Variants in RBMX observed in about 807,000 individuals in gnomAD.
The protein encoded by RBMX is RNA binding motif protein X-linked, also known as RNA-binding motif protein, X chromosome.
In RBMX, 1 loss-of-function variant was observed where a neutral mutation model predicts 29.3. The observed-to-expected ratio is 0.03, with a 90% confidence interval of 0.01 to 0.16. The LOEUF (loss-of-function observed/expected upper bound fraction) is 0.16, where lower values mean the gene tolerates loss of function less well. Ranked by LOEUF, RBMX falls within the 10% of genes least tolerant of loss-of-function variation. RBMX has a pLI of 1.00. For synonymous variants in RBMX, 102 were observed against 102.3 expected, an observed-to-expected ratio of 1.00 and a Z score of 0.02; for missense variants, 121 against 333.2, an observed-to-expected ratio of 0.36 and a Z score of 4.96.
chrX:136,870,037 A>G (rs1306068971), downstream of RBMX: 3 of 112,494 alleles, frequency 2.7e-5, no homozygotes, highest in Admixed American at 9.5e-5. Flanking sequence ...CAGACACTTC[A>G]CTAGATACAG....
rs2077775799 is a variant in RBMX, at chrX:136,879,535, A to AT, written c.-26-83dup. 7 of 802,886 alleles carry AT rather than the reference A, an allele frequency of 8.7e-6. No homozygotes were observed. The Admixed American group carries it at 2.3e-4, about 26-fold the overall frequency. 66.2% of individuals were successfully genotyped at this position (802,886 alleles called of 1,213,427 possible). A position where few individuals can be genotyped will look rare whatever the true frequency, so the allele number is the denominator to read the frequency against. Reference sequence around the variant, plus strand: ...ACTTTTACTTTCGCACATTTCTCATATTTTCCACTAAAACCATTGTTCCTT... The same window carrying AT: ...ACTTTTACTTTCGCACATTTCTCATATTTTTCCACTAAAACCATTGTTCCTT... On this transcript the variant is annotated intron_variant, in intron 1 of 8. Coordinates refer to ENST00000320676, the MANE Select transcript of RBMX (RefSeq NM_002139.4).
chrX:136,875,203 T>C lies in RBMX; in HGVS notation c.783-35A>G, dbSNP rs779313474. 3.3e-6 allele frequency: 4 copies of C among 1,211,078 alleles called. No homozygotes were observed. In the East Asian group the frequency reaches 1.2e-4, roughly 36 times the overall value. On this transcript the variant is annotated intron_variant, in intron 7 of 8. Coordinates refer to ENST00000320676, the MANE Select transcript of RBMX (RefSeq NM_002139.4). ...AGAGAAACCTTTAAGTCCCAGAGAA[T>C]CAACTTTCATTGCAACTTTTCTTAC...
Position 136,873,724 on chromosome X carries a change from A to G in RBMX, c.*418T>C, listed in dbSNP as rs2077699200. 2.6e-6 allele frequency: 2 copies of G among 770,818 alleles called. No homozygotes were observed. Among genetic ancestry groups the G allele is most frequent in the African/African-American group, 4.5e-5 (2 of 44,424 alleles). The allele number at this position is 770,818 out of a possible 1,213,427, so 63.5% of individuals were successfully genotyped here. A position where few individuals can be genotyped will look rare whatever the true frequency, so the allele number is the denominator to read the frequency against. On this transcript the variant is annotated 3_prime_UTR_variant, in exon 9 of 9. Transcript: ENST00000320676. ...GACACCCTGAAATCTTATGAGTAGC[A>G]TACCCCAACCACCCTCTAATAGCTA...
downstream of RBMX, chrX:136,869,439 G>A (rs746579879): frequency 1.8e-5 from 2 of 111,404 alleles, no homozygotes; most frequent in Non-Finnish European, 3.8e-5. Context: ...TTCCTATTTG[G>A]TACAATCTCT....
intron 4 of RBMX, 111 bp downstream of exon 4, chrX:136,877,804 C>G (rs1253148427): frequency 1.4e-6 from 1 of 729,400 alleles, no homozygotes; most frequent in Non-Finnish European, 2.0e-6. Flanking sequence ...CAAGTGTTGT[C>G]AATTTCAAAA....
chrX:136,872,439 G>T, downstream of RBMX: 2 of 764,693 alleles, frequency 2.6e-6, no homozygotes, highest in Non-Finnish European at 3.9e-6. Context: ...GAAAGAAAAG[G>T]CAAGTTCAGA....
chrX:136,875,974 G>T (rs1019138776), intron 5 of RBMX, among the ~76,000 whole-genome samples: 7 of 109,051 alleles, frequency 6.4e-5, no homozygotes, highest in African/African-American at 2.4e-4. Context: ...GCTAACTTTT[G>T]TATCTTTAGT....
downstream of RBMX, chrX:136,872,248 C>T: frequency 9.1e-6 from 10 of 1,093,771 alleles, no homozygotes; most frequent in Non-Finnish European, 1.2e-5. Context: ...CCTTCAAAGG[C>T]CATTGCTTTC....
chrX:136,872,195 C>T, downstream of RBMX: 1 of 839,632 alleles, frequency 1.2e-6, no homozygotes, highest in East Asian at 3.5e-5. Flanking sequence ...AATAACTTGC[C>T]AATGTCACAG....
intron 1 of RBMX, 121 bp from the exon 2 acceptor site, chrX:136,879,574 A>C: frequency 1.6e-6 from 1 of 612,759 alleles, no homozygotes. Context: ...AACTAAAGAA[A>C]ACGATAACGA....
chrX:136,872,697 T>C (rs1437923922), downstream of RBMX: 3 of 167,349 alleles, frequency 1.8e-5, no homozygotes, highest in Middle Eastern at 2.1e-3. Context: ...AGCATCTTTT[T>C]CAACTTCATG....
At chrX:136,875,833 GCT>G (rs1316802927) in intron 5 of RBMX, among the ~76,000 whole-genome samples, 1 of 107,010 alleles carries the variant, frequency 9.3e-6, no homozygotes, top group Non-Finnish European at 1.9e-5. Flanking sequence ...TGGGAGTCTC[GCT>G]CTGTCACCCA....
intron 8 of RBMX, chrX:136,874,700 CTTG>C: frequency 4.7e-6 from 2 of 426,660 alleles, no homozygotes; most frequent in Non-Finnish European, 7.6e-6. Context: ...TTCCAGAGAG[CTTG>C]TTATTTTATA....
intron 1 of RBMX, 69 bp from the exon 2 acceptor site, chrX:136,879,522 G>C (rs2077775524): frequency 3.9e-5 from 34 of 874,367 alleles, no homozygotes; most frequent in Non-Finnish European, 5.2e-5. Context: ...TTTTACTTTC[G>C]CACATTTCTC....
chrX:136,872,643 A>G (rs1387045217), downstream of RBMX: 13 of 259,611 alleles, frequency 5.0e-5, no homozygotes, highest in East Asian at 6.7e-4. Flanking sequence ...TAAGTGCAGT[A>G]TAAGGATTTT....
rs770549512 is a variant in RBMX, at chrX:136,878,101, AC to A, written c.217-16del. 5.0e-5 allele frequency: 57 copies of A among 1,137,976 alleles called. No homozygotes were observed. The highest frequency in any genetic ancestry group is 6.4e-5 in the Non-Finnish European group (54 of 849,114). The allele number at this position is 1,137,976 out of a possible 1,213,427, so 93.8% of individuals were successfully genotyped here. ...CCATCTAATGACTAAAAAAAAAGAT[AC>A]GATTAAATTAAATCAAGATTTAAAA... On this transcript the variant is annotated splice_polypyrimidine_tract_variant and intron_variant, in intron 3 of 8. Coordinates refer to ENST00000320676, the MANE Select transcript of RBMX (RefSeq NM_002139.4).
chrX:136,872,155 G>A (rs762067682), downstream of RBMX: 14 of 563,084 alleles, frequency 2.5e-5, no homozygotes, highest in African/African-American at 9.4e-5. Context: ...TCCAAGCAGC[G>A]TTTTCTTTTA....
rs373117025 is a variant in RBMX, at chrX:136,875,637, C to T, written c.542-52G>A. The T allele has an allele frequency of 1.5e-4, 174 of 1,173,252 alleles. No individual in the cohort carries two copies. In the African/African-American group the frequency reaches 2.7e-3, roughly 18 times the overall value. On this transcript the variant is annotated intron_variant, in intron 5 of 8. Coordinates refer to ENST00000320676, the MANE Select transcript of RBMX (RefSeq NM_002139.4). ...ACATAGCCAGAGAAAAAAGTTAAAA[C>T]GTGAACTTACATTCAGGCTATGAAA...
chrX:136,878,712 T>C (rs1197003642), intron 3 of RBMX, among the ~76,000 whole-genome samples: 1 of 75,314 alleles, frequency 1.3e-5, no homozygotes, highest in East Asian at 4.4e-4. Context: ...ACTGCACCAT[T>C]GCACTCCAGG....
Sources: gnomAD v4.1 joint callset for allele counts (sites outside exome capture counted in the v4.1 genomes callset) on GRCh38, gnomAD v4.1.1 for gene constraint, MANE v1.5 for transcripts, NCBI Gene and HGNC (gene_info 2026-07-23, HGNC 2026-07-21) for gene names.